MGAM: variants seen among roughly 807,000 people sequenced by gnomAD.
MGAM encodes maltase-glucoamylase, also known as alpha-1,4-glucosidase.
Under a neutral mutation model 358.8 loss-of-function variants are expected in MGAM, and 253 were observed. That is an observed-to-expected ratio of 0.71 (90% CI 0.64 to 0.78). MGAM has a LOEUF of 0.78. Among genes scored for constraint, MGAM ranks in the 30% least tolerant of loss-of-function variants. MGAM has a pLI of 0.00. For missense variants in MGAM, 3,080 were observed against 3,432.6 expected, an observed-to-expected ratio of 0.90 and a Z score of 2.57; for synonymous variants, 1,105 against 1,227.1, an observed-to-expected ratio of 0.90 and a Z score of 2.08.
chr7:142,106,013 T>G lies in MGAM; in HGVS notation c.*122T>G, dbSNP rs1816834442. On this transcript the variant is annotated 3_prime_UTR_variant, in exon 71 of 71. Transcript: ENST00000475668. ...CCCACTATTGGTGAAATATTTCTGT[T>G]AATTTTGTTATATGTTTTTTGTGTG... 1 of 781,208 alleles carries G rather than the reference T, an allele frequency of 1.3e-6. No homozygotes were observed. The highest frequency in any genetic ancestry group is 2.1e-6 in the Non-Finnish European group (1 of 476,770). The allele number at this position is 781,208 out of a possible 1,614,324, so 48.4% of individuals were successfully genotyped here.
intron 8 of MGAM, among the ~76,000 whole-genome samples, chr7:142,026,660 G>C (rs1419649731): frequency 1.3e-5 from 2 of 152,192 alleles, no homozygotes; most frequent in Non-Finnish European, 2.9e-5. Context: ...AATGGTGCCT[G>C]TTGTCTCAGA....
chr7:142,000,640 G>A (rs1730322657), intron 1 of MGAM, among the ~76,000 whole-genome samples: 1 of 152,122 alleles, frequency 6.6e-6, no homozygotes, highest in Non-Finnish European at 1.5e-5. Flanking sequence ...TTTACTTCAC[G>A]TATTTACTGA....
At position 142,102,649 on chromosome 7, in the gene MGAM, CTA is replaced by C; in HGVS notation, c.7985_7986del (p.Tyr2662LeufsTer34). 6.2e-7 allele frequency: 1 copy of C among 1,613,502 alleles called. No individual in the cohort carries two copies. The highest frequency in any genetic ancestry group is 8.5e-7 in the Non-Finnish European group (1 of 1,179,716). On this transcript the variant is annotated frameshift_variant, in exon 69 of 71. Coordinates refer to ENST00000475668, the MANE Select transcript of MGAM (RefSeq NM_001365693.1). LOFTEE classifies it high-confidence loss of function. ...TTGCAGATACCTATGGGAAAGGACTCTATTACTTGGCCAGCTTTTCTGCCAGC... is the reference window on the plus strand; with the variant it reads ...TTGCAGATACCTATGGGAAAGGACTCTTACTTGGCCAGCTTTTCTGCCAGC... ...QSIDTYGKGLYYLASFSASQN... is the reference protein window; with the variant it reads ...QSIDTYGKGLXYLASFSASQN...
chr7:142,040,831 C>A lies in MGAM; in HGVS notation c.2483C>A (p.Thr828Lys), dbSNP rs762548545. The A allele has an allele frequency of 1.2e-6, 2 of 1,611,952 alleles. No individual in the cohort carries two copies. The highest frequency in any genetic ancestry group is 1.3e-5 in the African/African-American group (1 of 74,894). Residue 828 changes from threonine to lysine, a missense_variant, in exon 21 of 71, where the codon ACA (threonine) becomes AAA (lysine). Coordinates refer to ENST00000475668, the MANE Select transcript of MGAM (RefSeq NM_001365693.1). The stretch of plus-strand genomic sequence containing the variant: ...ATCTTCCCCACACAGCAGCCAAATA[C>A]AACCACTCTGGCCAGGTATAGCATG... The part of the protein sequence containing the change: ...GYIFPTQQPN[T>K]TTLASRKNPL...
At chr7:142,056,219 A>AT (rs1811517622) in intron 29 of MGAM, 123 bp downstream of exon 29, 1 of 850,810 alleles carries the variant, frequency 1.2e-6, no homozygotes, top group Non-Finnish European at 1.8e-6. Context: ...ACTGCTGTTT[A>AT]TTTTTTCTTT....
intron 21 of MGAM, among the ~76,000 whole-genome samples, chr7:142,045,127 T>C (rs1165875982): frequency 2.1e-5 from 2 of 94,582 alleles, no homozygotes; most frequent in East Asian, 2.6e-4. Flanking sequence ...ATATGATATA[T>C]AATATGTATA....
intron 2 of MGAM, among the ~76,000 whole-genome samples, chr7:141,989,085 AGTGTGTGT>A (rs141747720): frequency 0.035 from 5,015 of 141,332 alleles, 109 homozygotes; most frequent in East Asian, 0.14. Flanking sequence ...TGTGCTTGTG[AGTGTGTGT>A]GTGTGTGTGT....
chr7:142,088,802 A>C (rs1326742357), intron 57 of MGAM, among the ~76,000 whole-genome samples: 2 of 102,102 alleles, frequency 2.0e-5, no homozygotes, highest in East Asian at 6.4e-4. Context: ...TCTATCTATC[A>C]TTCTATCCTA....
chr7:142,042,011 TATAATATATATATATTATATTATATAC>T (rs1808796046), intron 21 of MGAM, among the ~76,000 whole-genome samples: 1 of 22,410 alleles, frequency 4.5e-5, no homozygotes, highest in African/African-American at 2.9e-4. Context: ...ATATATATAA[TATAATATATATATATTATATTATATAC>T]ATATAATATA....
At chr7:142,052,468 G>T in intron 25 of MGAM, 22 bp downstream of exon 25, 1 of 1,611,888 alleles carries the variant, frequency 6.2e-7, no homozygotes, top group Non-Finnish European at 8.5e-7. Flanking sequence ...GATGGGGTTT[G>T]TGTGCATGAG....
At chr7:142,027,581 C>G (rs782329353) in intron 9 of MGAM, 29 bp from the exon 10 acceptor site, 2 of 1,610,760 alleles carry the variant, frequency 1.2e-6, no homozygotes, top group East Asian at 4.5e-5. Flanking sequence ...AGAGTATTTG[C>G]TAATTTTCAC....
chr7:142,105,785 C>T (rs1283823414), intron 70 of MGAM, 29 bp from the exon 71 acceptor site: 4 of 1,570,580 alleles, frequency 2.5e-6, no homozygotes, highest in African/African-American at 2.7e-5. Context: ...ACACCGGATG[C>T]CCAATTCTTT....
rs867037594 is a variant in MGAM, at chr7:142,045,499, T to A, written c.2499-2286T>A. 7.3e-5 allele frequency among the ~76,000 whole-genome samples: 8 copies of A among 109,962 alleles called. 1 individual carries two copies. Among genetic ancestry groups the A allele is most frequent in the East Asian group, 2.5e-4 (1 of 3,958 alleles). The allele number at this position is 109,962 out of a possible 152,430, so 72.1% of individuals were successfully genotyped here. A position where few individuals can be genotyped will look rare whatever the true frequency, so the allele number is the denominator to read the frequency against. The stretch of plus-strand genomic sequence containing the variant: ...TATATATACATACAATATATGATAT[T>A]ATATATTACATATACATATAATATA... On this transcript the variant is annotated intron_variant, in intron 21 of 70. Transcript: ENST00000475668.
rs555238225 is a variant in MGAM at position 142,047,385 on chromosome 7, G to A, written c.2499-400G>A. Among the ~76,000 whole-genome samples, 5 of 152,232 alleles carry A rather than the reference G, an allele frequency of 3.3e-5. No homozygotes were observed. In the South Asian group the frequency reaches 1.0e-3, roughly 32 times the overall value. The stretch of plus-strand genomic sequence containing the variant: ...ATGGTCCTTAGGCAGGCGAAAATGT[G>A]TCTTCCTCACAGCACTGGACACTTC... On this transcript the variant is annotated intron_variant, in intron 21 of 70. Transcript: ENST00000475668.
chr7:142,008,089 C>T (rs563701178), intron 2 of MGAM, among the ~76,000 whole-genome samples: 4 of 152,248 alleles, frequency 2.6e-5, no homozygotes, highest in East Asian at 1.9e-4. Context: ...TAAAAACAAA[C>T]GAGTTTGTAA....
intron 3 of MGAM, among the ~76,000 whole-genome samples, chr7:142,017,280 G>A (rs1178758822): frequency 5.9e-5 from 9 of 152,110 alleles, no homozygotes; most frequent in Non-Finnish European, 1.2e-4. Flanking sequence ...CCAACTTAAA[G>A]GGGCATTTTG....
At chr7:141,998,621 G>T (rs757154596) in intron 1 of MGAM, among the ~76,000 whole-genome samples, 1 of 152,166 alleles carries the variant, frequency 6.6e-6, no homozygotes, top group African/African-American at 2.4e-5. Context: ...ATTTCATGGT[G>T]TATATGTGCC....
intron 10 of MGAM, among the ~76,000 whole-genome samples, chr7:142,028,501 A>G (rs1432916820): frequency 6.6e-6 from 1 of 152,194 alleles, no homozygotes; most frequent in Non-Finnish European, 1.5e-5. Context: ...AAGACCACAT[A>G]GGTAATTGAT....
Position 142,064,496 on chromosome 7 carries a change from G to A in MGAM, c.4458G>A (p.Gly1486=), listed in dbSNP as rs776034849. The change falls in exon 37 of 71, where the codon GGG becomes GGA. Residue 1486 remains glycine (G), a synonymous_variant. Coordinates refer to ENST00000475668, the MANE Select transcript of MGAM (RefSeq NM_001365693.1). Reference sequence around the variant, plus strand: ...ACTACAACGTGCACAACCTGTATGGGTGGTCCCAGACCAGACCCACATACG... The same window carrying A: ...ACTACAACGTGCACAACCTGTATGGATGGTCCCAGACCAGACCCACATACG... ...VQHYNVHNLY[G]WSQTRPTYEA... The A allele has an allele frequency of 5.7e-6, 9 of 1,579,166 alleles. No individual in the cohort carries two copies. The highest frequency in any genetic ancestry group is 1.2e-5 in the South Asian group (1 of 85,798).
Sources: allele counts gnomAD v4.1 joint callset (sites outside exome capture counted in the v4.1 genomes callset), GRCh38; gene constraint gnomAD v4.1.1; transcripts MANE v1.5; gene names NCBI Gene and HGNC (gene_info 2026-07-23, HGNC 2026-07-21).